Variants in ELAPOR2 observed in about 807,000 individuals in gnomAD.
ELAPOR2 encodes the protein endosome-lysosome associated apoptosis and autophagy regulator family member 2.
In ELAPOR2, 89 loss-of-function variants were observed where a neutral mutation model predicts 120.7. The ratio of observed to expected loss-of-function variants is 0.74; its 90% CI spans 0.62 to 0.88. The LOEUF (loss-of-function observed/expected upper bound fraction) is 0.88. Ranked by LOEUF, ELAPOR2 falls within the 40% of genes least tolerant of loss-of-function variation. ELAPOR2 has a pLI of 0.00. For missense variants in ELAPOR2, 1,134 were observed against 1,251.6 expected, an observed-to-expected ratio of 0.91 and a Z score of 1.42; for synonymous variants, 444 against 444.9, an observed-to-expected ratio of 1.00 and a Z score of 0.03.
intron 1 of ELAPOR2, among the ~76,000 whole-genome samples, chr7:86,993,100 G>A (rs1167567866): frequency 1.3e-5 from 2 of 151,836 alleles, no homozygotes; most frequent in African/African-American, 4.8e-5. Flanking sequence ...GCTGGGCGTG[G>A]TGGCGCGCAC....
At chr7:86,896,580 A>G (rs1264791848) in intron 19 of ELAPOR2, among the ~76,000 whole-genome samples, 2 of 151,980 alleles carry the variant, frequency 1.3e-5, no homozygotes, top group Non-Finnish European at 2.9e-5. Context: ...CTCTCCCTTC[A>G]GGTTTCCAGG....
At chr7:87,002,799 G>A (rs1407113876) in intron 1 of ELAPOR2, among the ~76,000 whole-genome samples, 1 of 152,098 alleles carries the variant, frequency 6.6e-6, no homozygotes, top group African/African-American at 2.4e-5. Flanking sequence ...TGTTGGGCTA[G>A]ATACCCCATC....
chr7:86,970,820 G>A (rs1435163266), intron 1 of ELAPOR2, among the ~76,000 whole-genome samples: 1 of 152,020 alleles, frequency 6.6e-6, no homozygotes, highest in Non-Finnish European at 1.5e-5. Flanking sequence ...TTTCACTGTG[G>A]CCACTGTATT....
chr7:86,883,639 A>G (rs1332680473), intron 21 of ELAPOR2, among the ~76,000 whole-genome samples: 2 of 152,204 alleles, frequency 1.3e-5, no homozygotes, highest in Admixed American at 1.3e-4. Context: ...AATGTACACA[A>G]AATACTACAG....
At chr7:87,004,537 G>A (rs948980497) in intron 1 of ELAPOR2, among the ~76,000 whole-genome samples, 2 of 152,144 alleles carry the variant, frequency 1.3e-5, no homozygotes, top group Non-Finnish European at 2.9e-5. Context: ...TTGTACACAA[G>A]ATGCTGCAGA....
At chr7:87,005,540 A>G (rs1324352967) in intron 1 of ELAPOR2, among the ~76,000 whole-genome samples, 2 of 152,194 alleles carry the variant, frequency 1.3e-5, no homozygotes, top group Admixed American at 1.3e-4. Flanking sequence ...GTTTTTATGA[A>G]TACTGCTTGA....
At chr7:86,897,435 A>C (rs1369252000) in intron 19 of ELAPOR2, 71 bp downstream of exon 19, 18 of 1,538,554 alleles carry the variant, frequency 1.2e-5, no homozygotes, top group Admixed American at 2.0e-5. Context: ...TCTGGACCTG[A>C]GTTTCTATGA....
At chr7:86,956,602 G>A (rs568395276) in intron 2 of ELAPOR2, among the ~76,000 whole-genome samples, 246 of 152,246 alleles carry the variant, frequency 1.6e-3, no homozygotes, top group Non-Finnish European at 2.7e-3. Flanking sequence ...AGTAATCCCC[G>A]TTAAATCAGC....
intron 10 of ELAPOR2, among the ~76,000 whole-genome samples, chr7:86,925,187 A>G (rs1202735889): frequency 6.6e-6 from 1 of 151,924 alleles, no homozygotes; most frequent in Non-Finnish European, 1.5e-5. Context: ...CAAGACAGAA[A>G]TCCCATCATG....
chr7:86,986,724 A>G (rs917545259), intron 1 of ELAPOR2, among the ~76,000 whole-genome samples: 1 of 151,954 alleles, frequency 6.6e-6, no homozygotes, highest in African/African-American at 2.4e-5. Context: ...AGAACATTCC[A>G]TGCTCATGGA....
chr7:87,040,501 C>T (rs1156340724), intron 1 of ELAPOR2, among the ~76,000 whole-genome samples: 2 of 152,208 alleles, frequency 1.3e-5, no homozygotes, highest in African/African-American at 4.8e-5. Flanking sequence ...CCAGCAGGGG[C>T]ACACTGACAC....
In ELAPOR2 at chr7:86,919,310, C is replaced by A; in HGVS notation, c.1400G>T (p.Gly467Val). The A allele has an allele frequency of 6.3e-7, 1 of 1,590,648 alleles. No homozygotes were observed. Among genetic ancestry groups the A allele is most frequent in the Non-Finnish European group, 8.6e-7 (1 of 1,165,484 alleles). The change falls in exon 11 of 22, where the codon GGT (glycine) becomes GTT (valine). Residue 467 changes from glycine (G) to valine (V), a missense_variant and splice_region_variant. Gly to Val is a moderately radical substitution (Grantham distance 109). This residue lies in a region of ELAPOR2 where 831 missense variants were observed against 867.6 expected (regional missense o/e 0.96). Transcript: ENST00000450689. ...VGNSKCDGMN[G>V]WEVAGDHIQS... ...GATATGATCTCCAGCCACCTCCCAACCTAGAAGTAATAAAAGTCATTTTTA... is the reference window on the plus strand; with the variant it reads ...GATATGATCTCCAGCCACCTCCCAAACTAGAAGTAATAAAAGTCATTTTTA...
chr7:86,951,538 C>T (rs180716405), intron 2 of ELAPOR2, among the ~76,000 whole-genome samples: 149 of 152,268 alleles, frequency 9.8e-4, no homozygotes, highest in African/African-American at 3.5e-3. Context: ...AGAAGGAAAA[C>T]TAAGAGATAA....
intron 1 of ELAPOR2, among the ~76,000 whole-genome samples, chr7:87,014,932 T>C (rs1474164070): frequency 6.6e-6 from 1 of 152,106 alleles, no homozygotes; most frequent in Non-Finnish European, 1.5e-5. Flanking sequence ...CATCAAATTG[T>C]ATACATTAAA....
intron 1 of ELAPOR2, among the ~76,000 whole-genome samples, chr7:86,993,760 C>T (rs539139902): frequency 6.6e-6 from 1 of 152,302 alleles, no homozygotes; most frequent in South Asian, 2.1e-4. Flanking sequence ...TTCTCAAAAT[C>T]CAACTTGTAC....
chr7:86,924,384 C>CACAA (rs1411793240), intron 10 of ELAPOR2, among the ~76,000 whole-genome samples: 1 of 150,456 alleles, frequency 6.6e-6, no homozygotes, highest in Non-Finnish European at 1.5e-5. Context: ...TACACACACA[C>CACAA]ACACACACAC....
chr7:86,955,766 G>A (rs1018412742), intron 2 of ELAPOR2, among the ~76,000 whole-genome samples: 2 of 151,946 alleles, frequency 1.3e-5, no homozygotes, highest in African/African-American at 4.8e-5. Flanking sequence ...TTCTTCTTCT[G>A]TGTAACCATA....
At chr7:86,933,784 C>A (rs1027680693) in intron 8 of ELAPOR2, among the ~76,000 whole-genome samples, 1 of 151,906 alleles carries the variant, frequency 6.6e-6, no homozygotes, top group Non-Finnish European at 1.5e-5. Context: ...ATTCCATGAC[C>A]CTCGAATAAA....
At chr7:86,999,967 T>C (rs766796107) in intron 1 of ELAPOR2, among the ~76,000 whole-genome samples, 23 of 152,060 alleles carry the variant, frequency 1.5e-4, no homozygotes, top group Non-Finnish European at 2.9e-4. Context: ...ATAAAAACAG[T>C]GCCATATGGA....
Sources: gnomAD v4.1 joint callset for allele counts (sites outside exome capture counted in the v4.1 genomes callset) on GRCh38, gnomAD v4.1.1 for gene constraint, gnomAD v4.1.1 regional missense constraint, MANE v1.5 for transcripts, NCBI Gene and HGNC (gene_info 2026-07-23, HGNC 2026-07-21) for gene names.